RAVER1: variants seen among roughly 807,000 people sequenced by gnomAD.
The protein encoded by RAVER1 is ribonucleoprotein, PTB binding 1, also known as ribonucleoprotein PTB-binding 1.
RAVER1 carries 36 observed loss-of-function variants against 68.4 expected under a neutral mutation model. The observed-to-expected ratio is 0.53, with a 90% confidence interval of 0.40 to 0.70. The LOEUF is 0.70. Among genes scored for constraint, RAVER1 ranks in the 30% least tolerant of loss-of-function variants. The pLI, the probability that RAVER1 is intolerant of heterozygous loss-of-function variation, is 0.00. For missense variants in RAVER1, 933 were observed against 1,019.8 expected (o/e 0.91, Z 1.16); for synonymous variants, 469 against 472.7 (o/e 0.99, Z 0.10).
At position 10,318,361 on chromosome 19, in the gene RAVER1, C is replaced by CG. The variant is rs754256418; in HGVS notation, c.1856dup (p.Pro620AlafsTer44). On this transcript the variant is annotated frameshift_variant, in exon 11 of 13. Transcript: ENST00000617231. LOFTEE classifies it high-confidence loss of function. The stretch of plus-strand genomic sequence containing the variant: ...TGCTCCGTTCGCCGAAGCCACTGGG[C>CG]GGGGGGGACATCTGTAGAAGAAGGG... 6 of 1,598,218 alleles carry CG rather than the reference C, an allele frequency of 3.8e-6. No homozygotes were observed. The highest frequency in any genetic ancestry group is 1.8e-5 in the Admixed American group (1 of 56,492).
Position 10,322,560 on chromosome 19 carries a change from C to A in RAVER1, c.1173+85G>T. 2.0e-6 allele frequency: 2 copies of A among 1,019,422 alleles called. No individual in the cohort carries two copies. Among genetic ancestry groups the A allele is most frequent in the African/African-American group, 1.7e-5 (1 of 57,980 alleles). 63.1% of individuals were successfully genotyped at this position (1,019,422 alleles called of 1,614,324 possible). A position where few individuals can be genotyped will look rare whatever the true frequency, so the allele number is the denominator to read the frequency against. On this transcript the variant is annotated intron_variant, in intron 6 of 12. Transcript: ENST00000617231. This position sits in a 1 kb window ranked among gnomAD's most constrained non-coding sequence, Gnocchi z 4.3. ...CGCCCCCAGGGCACAGCCAGAGGTC[C>A]CCCCACCCCACCGATCGCACCAGCT...
In RAVER1 at chr19:10,331,390, C is replaced by CAA. The variant is rs1568314187; in HGVS notation, c.220-866_220-865dup. On this transcript the variant is annotated intron_variant, in intron 1 of 12. Transcript: ENST00000617231. Reference sequence around the variant, plus strand: ...AAAAAAAAAAAAAAAAAAATAACAACAACAAAAAAAAAAAAAAAAAAAGAG... The same window carrying CAA: ...AAAAAAAAAAAAAAAAAAATAACAACAAAACAAAAAAAAAAAAAAAAAAAGAG... Among the ~76,000 whole-genome samples, 56 of 31,734 alleles carry CAA rather than the reference C, an allele frequency of 1.8e-3. 1 individual carries two copies. Among genetic ancestry groups the CAA allele is most frequent in the African/African-American group, 4.2e-3 (31 of 7,458 alleles). 20.8% of individuals were successfully genotyped at this position (31,734 alleles called of 152,430 possible).
chr19:10,330,029 A>AGGGGAATGGGCTGAACCC, intron 2 of RAVER1, among the ~76,000 whole-genome samples: 1 of 151,212 alleles, frequency 6.6e-6, no homozygotes, highest in Non-Finnish European at 1.5e-5. Context: ...AGGCTGAAGC[A>AGGGGAATGGGCTGAACCC]GGGGAATGGG....
intron 1 of RAVER1, among the ~76,000 whole-genome samples, chr19:10,330,930 G>A (rs995758642): frequency 6.6e-6 from 1 of 151,850 alleles, no homozygotes; most frequent in Non-Finnish European, 1.5e-5. Flanking sequence ...CAGGAGTGGT[G>A]GCGCACACCT....
In RAVER1 at chr19:10,328,676, G is replaced by A. The variant is rs368272207; in HGVS notation, c.722C>T (p.Ala241Val). ...GGTGGGGCTGTGGACAGCTGACAGCGCCCGGCACAGAGCGTCCACATCGTT... is the reference window on the plus strand; with the variant it reads ...GGTGGGGCTGTGGACAGCTGACAGCACCCGGCACAGAGCGTCCACATCGTT... Reference protein sequence around the residue: ...GFNDVDALCRALSAVHSPTFC... With the variant: ...GFNDVDALCRVLSAVHSPTFC... The change falls in exon 3 of 13, where the codon GCG becomes GTG. Residue 241 changes from alanine to valine, a missense_variant. Physicochemically the swap from Ala to Val is moderately conservative, Grantham distance 64. Around this residue, in one of 3 missense-constraint regions of RAVER1, gnomAD observed 699 missense variants for 731.1 expected, o/e 0.96. Transcript: ENST00000617231. This position sits in a 1 kb window ranked among gnomAD's most constrained non-coding sequence, Gnocchi z 4.4. The A allele has an allele frequency of 4.1e-5, 65 of 1,583,630 alleles. No individual in the cohort carries two copies. Among genetic ancestry groups the A allele is most frequent in the African/African-American group, 2.4e-4 (18 of 74,278 alleles).
Position 10,323,000 on chromosome 19 carries a change from C to A in RAVER1, c.1078+145G>T. ...GGCCCCCAGTTGTGGACAGCAGCAG[C>A]CCCCGCTATGACTCCATACTCCCCC... On this transcript the variant is annotated intron_variant, in intron 5 of 12. Transcript: ENST00000617231. This position sits in a 1 kb window ranked among gnomAD's most constrained non-coding sequence, Gnocchi z 4.3. 1 of 718,064 alleles carries A rather than the reference C, an allele frequency of 1.4e-6. No homozygotes were observed. The highest frequency in any genetic ancestry group is 2.2e-6 in the Non-Finnish European group (1 of 448,716). 44.5% of individuals were successfully genotyped at this position (718,064 alleles called of 1,614,324 possible).
In RAVER1 at chr19:10,328,941, G is replaced by T. The variant is rs758276339; in HGVS notation, c.457C>A (p.Arg153=). The T allele has an allele frequency of 6.2e-7, 1 of 1,608,520 alleles. No homozygotes were observed. Among genetic ancestry groups the T allele is most frequent in the Non-Finnish European group, 8.5e-7 (1 of 1,176,524 alleles). ...CAGCGCTCCAGGCTGCCGAAGGGCC[G>T]CACCAGCTCCTCGAACTGCTGCTGT... ...LTQQQFEELV[R]PFGSLERCFL... is the part of the protein sequence containing the mutation. Residue 153 remains arginine (R), a synonymous_variant, in exon 3 of 13, where the codon CGG becomes AGG. Coordinates refer to ENST00000617231, the MANE Select transcript of RAVER1 (RefSeq NM_133452.3). The surrounding 1 kb of genome is among the most constrained non-coding windows in gnomAD (Gnocchi z 4.4).
In RAVER1 at chr19:10,322,379, G is replaced by A; in HGVS notation, c.1173+266C>T. 1 of 460,568 alleles carries A rather than the reference G, an allele frequency of 2.2e-6. No homozygotes were observed. The highest frequency in any genetic ancestry group is 3.8e-6 in the Non-Finnish European group (1 of 262,814). 28.5% of individuals were successfully genotyped at this position (460,568 alleles called of 1,614,324 possible). A position where few individuals can be genotyped will look rare whatever the true frequency, so the allele number is the denominator to read the frequency against. On this transcript the variant is annotated intron_variant, in intron 6 of 12. Transcript: ENST00000617231. This position sits in a 1 kb window ranked among gnomAD's most constrained non-coding sequence, Gnocchi z 4.3. ...CCAGTTTCAGGCTGTAAATGGGCGTGTCCAGGTCCCCTGACCCCACCCCAG... is the reference window on the plus strand; with the variant it reads ...CCAGTTTCAGGCTGTAAATGGGCGTATCCAGGTCCCCTGACCCCACCCCAG...
rs1247376704 is a variant in RAVER1, at chr19:10,331,376, AAAAAAAAT to A, written c.220-858_220-851del. Among the ~76,000 whole-genome samples, 45 of 131,094 alleles carry A rather than the reference AAAAAAAAT, an allele frequency of 3.4e-4. 1 individual carries two copies. Among genetic ancestry groups the A allele is most frequent in the Middle Eastern group, 3.9e-3 (1 of 256 alleles). The allele number at this position is 131,094 out of a possible 152,430, so 86.0% of individuals were successfully genotyped here. A position where few individuals can be genotyped will look rare whatever the true frequency, so the allele number is the denominator to read the frequency against. ...CGTCTCAAAAAAAAAAAAAAAAAAA[AAAAAAAAT>A]AACAACAACAAAAAAAAAAAAAAAA... is the stretch of plus-strand genomic sequence containing the variant. On this transcript the variant is annotated intron_variant, in intron 1 of 12. Coordinates refer to ENST00000617231, the MANE Select transcript of RAVER1 (RefSeq NM_133452.3).
At position 10,328,316 on chromosome 19, in the gene RAVER1, C is replaced by T. The variant is rs369584678; in HGVS notation, c.756+326G>A. Among the ~76,000 whole-genome samples the T allele has an allele frequency of 3.9e-5, 6 of 152,308 alleles. No homozygotes were observed. In the East Asian group the frequency reaches 9.7e-4, roughly 25 times the overall value. On this transcript the variant is annotated intron_variant, in intron 3 of 12. Transcript: ENST00000617231. The surrounding 1 kb of genome is among the most constrained non-coding windows in gnomAD (Gnocchi z 4.4). ...TGGTGGCTCACGCATGTAATCCCAG[C>T]ACTTTGGGAGGATCACCTGAGGCCA...
Position 10,322,607 on chromosome 19 carries a change from G to A in RAVER1, c.1173+38C>T, listed in dbSNP as rs367610671. On this transcript the variant is annotated intron_variant, in intron 6 of 12. Coordinates refer to ENST00000617231, the MANE Select transcript of RAVER1 (RefSeq NM_133452.3). The surrounding 1 kb of genome is among the most constrained non-coding windows in gnomAD (Gnocchi z 4.3). ...AGCTGTGTTGAAAAGAGCCTGTAGG[G>A]GCTGTAGAGCAGTGGGTGAGGGGGA... 9 of 1,364,654 alleles carry A rather than the reference G, an allele frequency of 6.6e-6. No homozygotes were observed. The highest frequency in any genetic ancestry group is 8.9e-6 in the Non-Finnish European group (9 of 1,007,938). 84.5% of individuals were successfully genotyped at this position (1,364,654 alleles called of 1,614,324 possible). A position where few individuals can be genotyped will look rare whatever the true frequency, so the allele number is the denominator to read the frequency against.
chr19:10,318,405 C>T, intron 10 of RAVER1, 33 bp from the exon 11 acceptor site: 2 of 1,550,060 alleles, frequency 1.3e-6, no homozygotes, highest in Non-Finnish European at 1.7e-6. Context: ...GTGAAGCAGA[C>T]AATTGTAGTA....
rs34978172 is a variant in RAVER1, at chr19:10,333,444, C to T, written c.64G>A (p.Glu22Lys). ...PLSPKSGAEV[E>K]AGDAAERRAP... ...CGGCGCTCCGCGGCATCGCCGGCTT[C>T]GACTTCGGCCCCAGACTTAGGGCTC... The change falls in exon 1 of 13, where the codon GAA becomes AAA. Residue 22 changes from glutamate (E) to lysine (K), a missense_variant. Physicochemically the swap from Glu to Lys is moderately conservative, Grantham distance 56. Transcript: ENST00000617231. The surrounding 1 kb of genome is among the most constrained non-coding windows in gnomAD (Gnocchi z 4.2). 7.5e-4 allele frequency: 1,210 copies of T among 1,612,754 alleles called. 13 individuals are homozygous for T. The highest frequency in any genetic ancestry group is 1.7e-4 in the Non-Finnish European group (198 of 1,179,796).
intron 1 of RAVER1, among the ~76,000 whole-genome samples, chr19:10,331,546 T>C (rs1377714031): frequency 6.6e-6 from 1 of 150,444 alleles, no homozygotes; most frequent in African/African-American, 2.4e-5. Flanking sequence ...ATCAGCTGGC[T>C]GTGGTGGCGT....
chr19:10,316,458 G>A lies in RAVER1; in HGVS notation c.*996C>T. 10 of 996,230 alleles carry A rather than the reference G, an allele frequency of 1.0e-5. No homozygotes were observed. The highest frequency in any genetic ancestry group is 1.2e-5 in the Non-Finnish European group (10 of 836,844). 61.7% of individuals were successfully genotyped at this position (996,230 alleles called of 1,614,324 possible). A position where few individuals can be genotyped will look rare whatever the true frequency, so the allele number is the denominator to read the frequency against. On this transcript the variant is annotated 3_prime_UTR_variant, in exon 13 of 13. Coordinates refer to ENST00000617231, the MANE Select transcript of RAVER1 (RefSeq NM_133452.3). The stretch of plus-strand genomic sequence containing the variant: ...GTTTCTGGCACTGGGCTGGAAGGAG[G>A]CCAGCTCCAGGGATCTGGCCGGGGG...
At chr19:10,319,053 CCACAAAGAACA>C in intron 10 of RAVER1, 102 bp downstream of exon 10, 1 of 1,003,144 alleles carries the variant, frequency 1.0e-6, no homozygotes, top group South Asian at 1.5e-5. Context: ...TTAAAAAAAC[CCACAAAGAACA>C]CACAAAATAC....
At chr19:10,318,764 G>A (rs571873255) in intron 10 of RAVER1, among the ~76,000 whole-genome samples, 2 of 152,148 alleles carry the variant, frequency 1.3e-5, no homozygotes, top group South Asian at 2.1e-4. Context: ...GATCATCACC[G>A]CACGAATGGG....
In RAVER1 at chr19:10,333,475, G is replaced by A. The variant is rs2040541152; in HGVS notation, c.33C>T (p.Pro11=). 2.5e-6 allele frequency: 4 copies of A among 1,609,850 alleles called. No homozygotes were observed. Among genetic ancestry groups the A allele is most frequent in the Non-Finnish European group, 1.7e-6 (2 of 1,179,078 alleles). ...CGGCCCCAGACTTAGGGCTCAGCGGGGGCCGGTGAGTAACGGACACGTCCG... is the reference window on the plus strand; with the variant it reads ...CGGCCCCAGACTTAGGGCTCAGCGGAGGCCGGTGAGTAACGGACACGTCCG... MAADVSVTHR[P]PLSPKSGAEV... is the part of the protein sequence containing the mutation. Residue 11 remains proline, a synonymous_variant, in exon 1 of 13, where the codon CCC becomes CCT. Coordinates refer to ENST00000617231, the MANE Select transcript of RAVER1 (RefSeq NM_133452.3). The surrounding 1 kb of genome is among the most constrained non-coding windows in gnomAD (Gnocchi z 4.2).
In RAVER1 at chr19:10,317,545, G is replaced by A; in HGVS notation, c.2129C>T (p.Pro710Leu). 6.2e-7 allele frequency: 1 copy of A among 1,613,454 alleles called. No individual in the cohort carries two copies. Among genetic ancestry groups the A allele is most frequent in the African/African-American group, 1.3e-5 (1 of 75,050 alleles). Residue 710 changes from proline (P) to leucine (L), a missense_variant, in exon 13 of 13, where the codon CCC (proline) becomes CTC (leucine). Physicochemically the swap from Pro to Leu is moderately conservative, Grantham distance 98. This residue lies in a region of RAVER1 where 699 missense variants were observed against 731.1 expected (regional missense o/e 0.96). Coordinates refer to ENST00000617231, the MANE Select transcript of RAVER1 (RefSeq NM_133452.3). The surrounding 1 kb of genome is among the most constrained non-coding windows in gnomAD (Gnocchi z 4.3). The stretch of plus-strand genomic sequence containing the variant: ...GCCCACATAGCTGCCTTCTGGGCTG[G>A]GCTCGGGCGAGGGCAGCAGGTGGGC... ...SFAHLLPSPE[P>L]SPEGSYVGQH... is the part of the protein sequence containing the mutation.
Sources: allele counts gnomAD v4.1 joint callset (sites outside exome capture counted in the v4.1 genomes callset), GRCh38; gene constraint gnomAD v4.1.1; regional missense constraint gnomAD v4.1.1; non-coding constraint Gnocchi (gnomAD v3.1); transcripts MANE v1.5; gene names NCBI Gene and HGNC (gene_info 2026-07-23, HGNC 2026-07-21).